PCNX2: variants seen among roughly 807,000 people sequenced by gnomAD.
PCNX2 encodes the protein pecanex 2.
PCNX2 carries 168 observed loss-of-function variants against 223.8 expected under a neutral mutation model. That is an observed-to-expected ratio of 0.75 (90% confidence interval 0.66 to 0.85). The LOEUF (loss-of-function observed/expected upper bound fraction) is 0.85, where lower values mean the gene tolerates loss of function less well. PCNX2 is among the 40% of genes least tolerant of loss of function. The pLI is 0.00. For missense variants in PCNX2, 2,507 were observed against 2,675.5 expected (o/e 0.94, Z 1.39); for synonymous variants, 1,006 against 1,052.6 (o/e 0.96, Z 0.86).
At position 233,001,886 on chromosome 1, in the gene PCNX2, C is replaced by T. The variant is rs1391721592; in HGVS notation, c.4953-205G>A. ...GCCCTCATAAGTGCTAGTGTCATGG[C>T]GTGGGCGTTGTCTTCAGTCATTTTA... On this transcript the variant is annotated intron_variant, in intron 28 of 33. Coordinates refer to ENST00000258229, the MANE Select transcript of PCNX2 (RefSeq NM_014801.4). This position sits in a 1 kb window ranked among gnomAD's most constrained non-coding sequence, Gnocchi z 4.2. 2.0e-5 allele frequency among the ~76,000 whole-genome samples: 3 copies of T among 152,180 alleles called. No homozygotes were observed. The highest frequency in any genetic ancestry group is 4.8e-5 in the African/African-American group (2 of 41,442).
chr1:233,157,660 T>C (rs1283212047), intron 19 of PCNX2, among the ~76,000 whole-genome samples: 1 of 152,070 alleles, frequency 6.6e-6, no homozygotes, highest in Non-Finnish European at 1.5e-5. Context: ...GTTTTGATGC[T>C]GGTGGAAAAA....
Position 233,066,682 on chromosome 1 carries a change from G to A in PCNX2, c.4077-9392C>T, listed in dbSNP as rs554330654. 2.6e-5 allele frequency among the ~76,000 whole-genome samples: 4 copies of A among 152,304 alleles called. No homozygotes were observed. In the South Asian group the frequency reaches 6.2e-4, roughly 24 times the overall value. ...GATCCAGGCCAGTAGCGCAAACCAA[G>A]CACGGCCTGCTGGGCTGAATGGGTG... On this transcript the variant is annotated intron_variant, in intron 23 of 33. Coordinates refer to ENST00000258229, the MANE Select transcript of PCNX2 (RefSeq NM_014801.4).
intron 1 of PCNX2, among the ~76,000 whole-genome samples, chr1:233,280,460 G>C (rs539140253): frequency 6.6e-6 from 1 of 152,128 alleles, no homozygotes; most frequent in Non-Finnish European, 1.5e-5. Flanking sequence ...ACCATGCCCG[G>C]CTAATTTTTG....
chr1:233,200,428 C>T (rs1042862588), intron 13 of PCNX2, among the ~76,000 whole-genome samples, 164 bp from the exon 14 acceptor site: 2 of 124,002 alleles, frequency 1.6e-5, no homozygotes, highest in Non-Finnish European at 3.1e-5. Flanking sequence ...CTCGCTCTGT[C>T]GCCCAGGCTG....
upstream of PCNX2, among the ~76,000 whole-genome samples, chr1:233,298,595 C>T (rs1027485725): frequency 6.6e-6 from 1 of 152,120 alleles, no homozygotes; most frequent in African/African-American, 2.4e-5. Context: ...AATATTAAAA[C>T]CTAAGTATGC....
chr1:233,215,683 G>T (rs1682081742), intron 12 of PCNX2, among the ~76,000 whole-genome samples: 1 of 152,226 alleles, frequency 6.6e-6, no homozygotes, highest in Admixed American at 6.5e-5. Context: ...CGACACTGAA[G>T]TGCAGTTAGG....
chr1:233,129,951 C>T (rs116944048), intron 21 of PCNX2, among the ~76,000 whole-genome samples: 3 of 152,320 alleles, frequency 2.0e-5, no homozygotes, highest in East Asian at 3.9e-4. Context: ...AACCTTTTTG[C>T]TGCTCACTGT....
chr1:233,058,048 T>A, intron 23 of PCNX2: 1 of 985,360 alleles, frequency 1.0e-6, no homozygotes, highest in South Asian at 4.7e-5. Flanking sequence ...ACCATGAGAA[T>A]GAAAGCTCTC....
intron 26 of PCNX2, among the ~76,000 whole-genome samples, chr1:233,021,975 AG>A (rs1558168976): frequency 6.6e-6 from 1 of 152,194 alleles, no homozygotes. Flanking sequence ...GGAACCTCCA[AG>A]GCCTCTGTAA....
intron 12 of PCNX2, among the ~76,000 whole-genome samples, chr1:233,210,931 G>A (rs1681778696): frequency 6.6e-6 from 1 of 152,176 alleles, no homozygotes; most frequent in African/African-American, 2.4e-5. Flanking sequence ...TCACCCAAAT[G>A]CTAGTCTCAG....
At chr1:233,149,011 C>T (rs1677635291) in intron 19 of PCNX2, among the ~76,000 whole-genome samples, 1 of 152,192 alleles carries the variant, frequency 6.6e-6, no homozygotes, top group Non-Finnish European at 1.5e-5. Flanking sequence ...GGCAAATGTG[C>T]TTCCTGCATC....
chr1:233,134,630 G>A (rs1054268464), intron 21 of PCNX2, among the ~76,000 whole-genome samples: 1 of 151,982 alleles, frequency 6.6e-6, no homozygotes, highest in African/African-American at 2.4e-5. Flanking sequence ...AGGAAGGTAA[G>A]AAGGGAGGGA....
intron 10 of PCNX2, among the ~76,000 whole-genome samples, chr1:233,220,167 G>A (rs1657280355): frequency 1.3e-5 from 2 of 152,106 alleles, no homozygotes; most frequent in African/African-American, 4.8e-5. Context: ...ACCACAGTTT[G>A]TTTATCCATT....
intron 10 of PCNX2, among the ~76,000 whole-genome samples, chr1:233,225,423 C>T (rs1657652623): frequency 6.6e-6 from 1 of 152,144 alleles, no homozygotes; most frequent in Admixed American, 6.5e-5. Context: ...GATCATAGCA[C>T]TAATAAGTAG....
intron 26 of PCNX2, among the ~76,000 whole-genome samples, chr1:233,018,252 G>T (rs12021917): frequency 0.43 from 65,375 of 151,242 alleles, 15,132 homozygotes; most frequent in African/African-American, 0.6. Context: ...TTGAACTCCT[G>T]GGCTCAAGCA....
chr1:233,268,233 C>A (rs1388336174), intron 1 of PCNX2, among the ~76,000 whole-genome samples: 2 of 152,118 alleles, frequency 1.3e-5, no homozygotes, highest in Non-Finnish European at 2.9e-5. Flanking sequence ...TTTGGAGGAA[C>A]TGCCTCACCA....
At chr1:233,178,705 A>T (rs570560512) in intron 16 of PCNX2, among the ~76,000 whole-genome samples, 1 of 152,290 alleles carries the variant, frequency 6.6e-6, no homozygotes, top group Non-Finnish European at 1.5e-5. Context: ...GCAGGGATGT[A>T]GTTAATGGAT....
rs186044693 is a variant in PCNX2, at chr1:233,197,590, T to G, written c.3066+1349A>C. ...ACTACAAGCACATAAATTACCTTTG[T>G]ATATTAGATACAGAAACCTTCCTCC... On this transcript the variant is annotated intron_variant, in intron 15 of 33. Transcript: ENST00000258229. 2.6e-5 allele frequency among the ~76,000 whole-genome samples: 4 copies of G among 152,326 alleles called. No individual in the cohort carries two copies. In the East Asian group the frequency reaches 5.8e-4, roughly 22 times the overall value.
intron 1 of PCNX2, among the ~76,000 whole-genome samples, chr1:233,267,003 G>T (rs373000101): frequency 1.3e-5 from 2 of 150,690 alleles, no homozygotes; most frequent in Admixed American, 1.3e-4. Flanking sequence ...TCACTACTCT[G>T]TTTTTTTTTC....
Sources: allele counts gnomAD v4.1 joint callset (sites outside exome capture counted in the v4.1 genomes callset), GRCh38; gene constraint gnomAD v4.1.1; non-coding constraint Gnocchi (gnomAD v3.1); transcripts MANE v1.5; gene names NCBI Gene and HGNC (gene_info 2026-07-23, HGNC 2026-07-21).